Variants in ARNT observed in about 807,000 individuals in gnomAD.
The protein encoded by ARNT is class E basic helix-loop-helix protein 2.
Under a neutral mutation model 105.0 loss-of-function variants are expected in ARNT, and 30 were observed. The ratio of observed to expected loss-of-function variants is 0.29; its 90% CI spans 0.21 to 0.39. The LOEUF is 0.39. Among genes scored for constraint, ARNT ranks in the 10% least tolerant of loss-of-function variants. ARNT has a pLI of 1.00. For synonymous variants in ARNT, 304 were observed against 344.0 expected, an observed-to-expected ratio of 0.88 and a Z score of 1.29; for missense variants, 748 against 978.7, an observed-to-expected ratio of 0.76 and a Z score of 3.15.
rs959990842 is a variant in ARNT at position 150,829,352 on chromosome 1, T to C, written c.1033-125A>G. The C allele has an allele frequency of 3.7e-6, 4 of 1,081,962 alleles. No individual in the cohort carries two copies. In the African/African-American group the frequency reaches 6.4e-5, roughly 17 times the overall value. The allele number at this position is 1,081,962 out of a possible 1,614,324, so 67.0% of individuals were successfully genotyped here. On this transcript the variant is annotated intron_variant, in intron 11 of 21. Transcript: ENST00000358595. ...TTTTAGGACTTTCTAAACTTTCACA[T>C]TTTATCCAAAAAGGAAAAAAAAATG...
intron 8 of ARNT, among the ~76,000 whole-genome samples, chr1:150,834,129 T>C (rs919417970): frequency 2.0e-5 from 3 of 151,884 alleles, no homozygotes; most frequent in Non-Finnish European, 2.9e-5. Flanking sequence ...TTAGTAGAGA[T>C]GGGGTTTCAC....
chr1:150,831,664 G>A (rs1659376645), intron 10 of ARNT, 154 bp downstream of exon 10: 2 of 575,212 alleles, frequency 3.5e-6, no homozygotes, highest in Non-Finnish European at 6.0e-6. Flanking sequence ...CTCAATAATG[G>A]AAGGGAAGGA....
intron 1 of ARNT, among the ~76,000 whole-genome samples, chr1:150,860,215 A>AATTTTTTT (rs1221352608): frequency 7.6e-5 from 5 of 65,516 alleles, no homozygotes; most frequent in Non-Finnish European, 9.9e-5. Flanking sequence ...AAAAAAAAAA[A>AATTTTTTT]TTCTTTTTTT....
chr1:150,844,951 G>C (rs981471671), intron 4 of ARNT, among the ~76,000 whole-genome samples: 2 of 151,800 alleles, frequency 1.3e-5, no homozygotes, highest in African/African-American at 4.8e-5. Context: ...CTGGGATTAT[G>C]AGTGCCCACC....
intron 6 of ARNT, 75 bp downstream of exon 6, chr1:150,839,366 C>A: frequency 6.7e-7 from 1 of 1,497,530 alleles, no homozygotes; most frequent in South Asian, 1.2e-5. Flanking sequence ...AAGCTGAATT[C>A]TTGTCCAAAA....
intron 1 of ARNT, among the ~76,000 whole-genome samples, chr1:150,868,851 T>C (rs1667012531): frequency 2.6e-5 from 4 of 151,098 alleles, no homozygotes; most frequent in Admixed American, 2.6e-4. Context: ...TGAGCCGAGA[T>C]CACGCCACTG....
At chr1:150,872,166 C>T (rs1379509512) in intron 1 of ARNT, among the ~76,000 whole-genome samples, 1 of 152,014 alleles carries the variant, frequency 6.6e-6, no homozygotes, top group Non-Finnish European at 1.5e-5. Flanking sequence ...TCACGTTGTC[C>T]GGGCTGGTCT....
chr1:150,816,961 T>A (rs1468093405), intron 17 of ARNT, 71 bp from the exon 18 acceptor site: 2 of 1,599,378 alleles, frequency 1.3e-6, no homozygotes, highest in East Asian at 4.5e-5. Flanking sequence ...AAGTTCCTAT[T>A]TACTCAGGTG....
At chr1:150,847,409 G>A (rs1662432128) in intron 3 of ARNT, among the ~76,000 whole-genome samples, 1 of 124,830 alleles carries the variant, frequency 8.0e-6, no homozygotes, top group Non-Finnish European at 1.6e-5. Flanking sequence ...TGTGGCAACA[G>A]AGCGAGACTC....
At chr1:150,825,845 TAAA>T (rs138981555) in intron 13 of ARNT, among the ~76,000 whole-genome samples, 2 of 139,598 alleles carry the variant, frequency 1.4e-5, no homozygotes, top group Non-Finnish European at 3.1e-5. Context: ...AGACTCCTTC[TAAA>T]AAAAAAAAAA....
intron 6 of ARNT, among the ~76,000 whole-genome samples, chr1:150,837,824 T>A (rs1660586843): frequency 6.6e-6 from 1 of 152,040 alleles, no homozygotes; most frequent in East Asian, 1.9e-4. Context: ...CAACTCAACA[T>A]CAACATCCCA....
At chr1:150,858,545 T>C (rs1665030104) in intron 1 of ARNT, 85 bp from the exon 2 acceptor site, 9 of 1,084,936 alleles carry the variant, frequency 8.3e-6, no homozygotes, top group Non-Finnish European at 1.2e-5. Context: ...AAAAGAAAGG[T>C]TCAAGCTATA....
At position 150,810,628 on chromosome 1, in the gene ARNT, A is replaced by G. The variant is rs926325873; in HGVS notation, c.*1393T>C. 4.7e-6 allele frequency: 1 copy of G among 212,038 alleles called. No homozygotes were observed. Among genetic ancestry groups the G allele is most frequent in the Non-Finnish European group, 9.5e-6 (1 of 104,946 alleles). 13.1% of individuals were successfully genotyped at this position (212,038 alleles called of 1,614,324 possible). ...TGCACTTTAGCTACTGGCCAAAGCC[A>G]ATTTAAAAAAAAAAAAAAAAAAGCT... On this transcript the variant is annotated 3_prime_UTR_variant, in exon 22 of 22. Transcript: ENST00000358595.
At position 150,833,771 on chromosome 1, in the gene ARNT, A is replaced by G. The variant is rs138780302; in HGVS notation, c.803+767T>C. Among the ~76,000 whole-genome samples, 6 of 152,096 alleles carry G rather than the reference A, an allele frequency of 3.9e-5. No individual in the cohort carries two copies. In the East Asian group the frequency reaches 7.7e-4, roughly 20 times the overall value. ...CTACTGAAAGACATAGGAAGTCTCAAATTTCTAACCAAAAAAAAAAAGAAG... is the reference window on the plus strand; with the variant it reads ...CTACTGAAAGACATAGGAAGTCTCAGATTTCTAACCAAAAAAAAAAAGAAG... On this transcript the variant is annotated intron_variant, in intron 8 of 21. Coordinates refer to ENST00000358595, the MANE Select transcript of ARNT (RefSeq NM_001668.4).
In ARNT at chr1:150,810,748, T is replaced by C. The variant is rs1446977775; in HGVS notation, c.*1273A>G. 4.5e-6 allele frequency: 1 copy of C among 222,026 alleles called. No homozygotes were observed. The highest frequency in any genetic ancestry group is 9.0e-6 in the Non-Finnish European group (1 of 110,688). 13.8% of individuals were successfully genotyped at this position (222,026 alleles called of 1,614,324 possible). ...TATTGTTAATTACCAAGTGACCCTG[T>C]TGAGATGGGTGTCCAGGCCCCATCT... On this transcript the variant is annotated 3_prime_UTR_variant, in exon 22 of 22. Transcript: ENST00000358595.
chr1:150,819,226 T>TA (rs34093716), intron 14 of ARNT, among the ~76,000 whole-genome samples: 64 of 143,392 alleles, frequency 4.5e-4, no homozygotes, highest in East Asian at 4.2e-3. Context: ...ATGGCTACAA[T>TA]AAAAAAAAAA....
At position 150,845,863 on chromosome 1, in the gene ARNT, T is replaced by C. The variant is rs188499820; in HGVS notation, c.227+400A>G. ...GTTGCAGTGAGCCGAGATGGCGCCA[T>C]TGCACTCCAGCCTGGGCAACAGAGC... On this transcript the variant is annotated intron_variant, in intron 4 of 21. Transcript: ENST00000358595. 7.9e-3 allele frequency among the ~76,000 whole-genome samples: 1,206 copies of C among 152,126 alleles called. 7 individuals are homozygous for C. Among genetic ancestry groups the C allele is most frequent in the Non-Finnish European group, 0.014 (942 of 67,956 alleles).
At chr1:150,826,430 C>T (rs1255450806) in intron 13 of ARNT, 113 bp downstream of exon 13, 1 of 806,612 alleles carries the variant, frequency 1.2e-6, no homozygotes, top group East Asian at 2.5e-5. Context: ...AGATTAACTA[C>T]TAAAGAACAT....
intron 1 of ARNT, among the ~76,000 whole-genome samples, chr1:150,868,467 G>C (rs751217442): frequency 2.0e-5 from 3 of 152,212 alleles, no homozygotes; most frequent in African/African-American, 7.2e-5. Context: ...GTTTCTAGGA[G>C]AGGCTCAATT....
Sources: allele counts gnomAD v4.1 joint callset (sites outside exome capture counted in the v4.1 genomes callset), GRCh38; gene constraint gnomAD v4.1.1; transcripts MANE v1.5; gene names NCBI Gene and HGNC (gene_info 2026-07-23, HGNC 2026-07-21).